The following CDH18 variants were observed in gnomAD, a reference collection of about 807,000 sequenced individuals.
The protein encoded by CDH18 is cadherin-18.
CDH18 carries 31 observed loss-of-function variants against 67.9 expected under a neutral mutation model. The observed-to-expected ratio is 0.46, with a 90% CI of 0.34 to 0.62. CDH18 has a LOEUF of 0.62. CDH18 is among the 20% of genes least tolerant of loss of function. The pLI is 0.01. For synonymous variants in CDH18, 362 were observed against 347.2 expected, an observed-to-expected ratio of 1.04 and a Z score of -0.48; for missense variants, 890 against 975.5, an observed-to-expected ratio of 0.91 and a Z score of 1.17.
chr5:19,959,756 A>G (rs150847665), intron 2 of CDH18, among the ~76,000 whole-genome samples: 283 of 152,240 alleles, frequency 1.9e-3, no homozygotes, highest in Middle Eastern at 3.4e-3. Context: ...ACACCCTTCA[A>G]TGATTTCATT....
intron 2 of CDH18, among the ~76,000 whole-genome samples, chr5:20,221,935 T>A (rs531025366): frequency 6.6e-6 from 1 of 152,320 alleles, no homozygotes; most frequent in South Asian, 2.1e-4. Context: ...CTTCAATTTA[T>A]CTTGTTGTAC....
At chr5:20,262,808 T>C (rs1465002199) in intron 1 of CDH18, among the ~76,000 whole-genome samples, 1 of 151,928 alleles carries the variant, frequency 6.6e-6, no homozygotes, top group Non-Finnish European at 1.5e-5. Context: ...AGTTAAGTAA[T>C]TAATTGATTT....
At chr5:19,745,971 T>G (rs1388220872) in intron 4 of CDH18, among the ~76,000 whole-genome samples, 1 of 152,020 alleles carries the variant, frequency 6.6e-6, no homozygotes, top group African/African-American at 2.4e-5. Context: ...CTGATTTGAT[T>G]AGTGACTAAG....
intron 3 of CDH18, 96 bp downstream of exon 3, chr5:19,838,663 C>T: frequency 2.6e-6 from 2 of 780,682 alleles, no homozygotes; most frequent in South Asian, 3.4e-5. Flanking sequence ...TAATTTGCTT[C>T]ATTTGTCTAT....
intron 2 of CDH18, among the ~76,000 whole-genome samples, chr5:20,078,843 T>C (rs1039479672): frequency 6.6e-6 from 1 of 152,152 alleles, no homozygotes; most frequent in Non-Finnish European, 1.5e-5. Context: ...CTTGAACTCC[T>C]GATCTGAGGT....
chr5:20,567,427 G>C (rs1758578543), intron 1 of CDH18, among the ~76,000 whole-genome samples: 1 of 152,020 alleles, frequency 6.6e-6, no homozygotes, highest in South Asian at 2.1e-4. Context: ...CTAAAAGATG[G>C]AGAAGGGGCC....
Position 20,454,956 on chromosome 5 carries a change from A to G in CDH18, c.-580+120506T>C, listed in dbSNP as rs117637818. Among the ~76,000 whole-genome samples the G allele has an allele frequency of 2.2e-4, 33 of 152,208 alleles. No homozygotes were observed. In the East Asian group the frequency reaches 6.4e-3, roughly 29 times the overall value. On this transcript the variant is annotated intron_variant, in intron 1 of 14. Coordinates refer to the CDH18 transcript ENST00000507958. ...TGATGGTAAGTATCCTAGGAAAAGAATGATCAGAGCTATGTATTCTTGGAA... is the reference window on the plus strand; with the variant it reads ...TGATGGTAAGTATCCTAGGAAAAGAGTGATCAGAGCTATGTATTCTTGGAA...
intron 2 of CDH18, among the ~76,000 whole-genome samples, chr5:20,140,978 C>T (rs1011369922): frequency 1.3e-5 from 2 of 152,148 alleles, no homozygotes; most frequent in Non-Finnish European, 2.9e-5. Flanking sequence ...TACTTGGATG[C>T]CACAATGCAT....
At chr5:20,075,744 T>C (rs760808017) in intron 2 of CDH18, among the ~76,000 whole-genome samples, 16 of 152,226 alleles carry the variant, frequency 1.1e-4, no homozygotes, top group Non-Finnish European at 2.1e-4. Context: ...ACAAGGTCTG[T>C]GCATTTTCTA....
chr5:20,408,814 G>T (rs907239457), intron 1 of CDH18, among the ~76,000 whole-genome samples: 21 of 151,630 alleles, frequency 1.4e-4, no homozygotes, highest in African/African-American at 5.1e-4. Flanking sequence ...ATAACAATAT[G>T]ATCCAACAAT....
intron 2 of CDH18, among the ~76,000 whole-genome samples, chr5:20,239,374 T>C (rs1742716372): frequency 6.6e-6 from 1 of 152,162 alleles, no homozygotes; most frequent in Admixed American, 6.5e-5. Flanking sequence ...GAGAATGGCA[T>C]GAACCCGGGA....
At chr5:20,188,375 T>A (rs544223724) in intron 2 of CDH18, among the ~76,000 whole-genome samples, 1 of 152,122 alleles carries the variant, frequency 6.6e-6, no homozygotes, top group Non-Finnish European at 1.5e-5. Context: ...CACTCCCAAT[T>A]ACTGATGCAA....
At chr5:19,818,272 T>A (rs1401721643) in intron 3 of CDH18, among the ~76,000 whole-genome samples, 2 of 152,180 alleles carry the variant, frequency 1.3e-5, no homozygotes, top group Non-Finnish European at 2.9e-5. Flanking sequence ...GCTTAGCTCC[T>A]CACTCAGTAA....
chr5:20,368,276 C>T (rs1480680813), intron 1 of CDH18, among the ~76,000 whole-genome samples: 1 of 152,166 alleles, frequency 6.6e-6, no homozygotes, highest in Non-Finnish European at 1.5e-5. Flanking sequence ...AATGGAGCTA[C>T]ATTTTTTAAT....
At chr5:20,078,773 A>AT (rs1232967249) in intron 2 of CDH18, among the ~76,000 whole-genome samples, 10 of 151,242 alleles carry the variant, frequency 6.6e-5, no homozygotes, top group South Asian at 4.2e-4. Context: ...CAGCTAATAT[A>AT]TTTTTTTTGT....
intron 3 of CDH18, among the ~76,000 whole-genome samples, chr5:19,829,278 GT>G (rs1003053812): frequency 1.9e-4 from 29 of 152,062 alleles, no homozygotes; most frequent in South Asian, 4.1e-4. Context: ...AACTTTTTCT[GT>G]TTGCAAATGA....
intron 2 of CDH18, among the ~76,000 whole-genome samples, chr5:19,967,405 G>A (rs549598113): frequency 6.6e-6 from 1 of 152,140 alleles, no homozygotes; most frequent in Admixed American, 6.6e-5. Context: ...TTTACTGAGT[G>A]CCTTCTGTGT....
intron 10 of CDH18, among the ~76,000 whole-genome samples, chr5:19,511,828 T>C (rs1194152144): frequency 6.6e-6 from 1 of 152,022 alleles, no homozygotes; most frequent in East Asian, 1.9e-4. Context: ...AGCCTGACAA[T>C]GAAATAAAAA....
chr5:19,639,412 C>T (rs756092622), intron 5 of CDH18, among the ~76,000 whole-genome samples: 1 of 152,174 alleles, frequency 6.6e-6, no homozygotes, highest in Non-Finnish European at 1.5e-5. Flanking sequence ...ACAGCCTGCT[C>T]TACAGAACAC....
Sources: allele counts gnomAD v4.1 joint callset (sites outside exome capture counted in the v4.1 genomes callset), GRCh38; gene constraint gnomAD v4.1.1; transcripts MANE v1.5; gene names NCBI Gene and HGNC (gene_info 2026-07-23, HGNC 2026-07-21).